The following ARL15 variants were observed in gnomAD, a reference collection of about 807,000 sequenced individuals.
The protein encoded by ARL15 is ARF like GTPase 15.
In ARL15, 19 loss-of-function variants were observed where a neutral mutation model predicts 25.2. The ratio of observed to expected loss-of-function variants is 0.75; its 90% CI spans 0.53 to 1.10. ARL15 has a LOEUF of 1.10. Ranked by LOEUF, ARL15 falls within the 50% of genes least tolerant of loss-of-function variation. The pLI is 0.00. For missense variants in ARL15, 220 were observed against 246.0 expected (o/e 0.89, Z 0.71); for synonymous variants, 94 against 86.8 (o/e 1.08, Z -0.46).
Position 53,922,081 on chromosome 5 carries a change from G to A in ARL15, c.463-35368C>T, listed in dbSNP as rs142323468. Among the ~76,000 whole-genome samples, 319 of 152,270 alleles carry A rather than the reference G, an allele frequency of 2.1e-3. 1 individual carries two copies. The highest frequency in any genetic ancestry group is 7.3e-3 in the African/African-American group (302 of 41,558). On this transcript the variant is annotated intron_variant, in intron 4 of 4. Transcript: ENST00000504924. ...TACTTCCTGTTTTACTTAACTTGTA[G>A]TGTAGCACCATGTGTTTTGTCAGTT...
chr5:53,935,137 T>A (rs1232702437), intron 4 of ARL15, among the ~76,000 whole-genome samples: 1 of 152,118 alleles, frequency 6.6e-6, no homozygotes, highest in Non-Finnish European at 1.5e-5. Context: ...GAGTAAATAA[T>A]GAAATCAATA....
At chr5:54,281,671 G>A (rs900978288) in intron 1 of ARL15, among the ~76,000 whole-genome samples, 2 of 152,134 alleles carry the variant, frequency 1.3e-5, no homozygotes, top group African/African-American at 4.8e-5. Flanking sequence ...CCCTTGTTGA[G>A]AACTACTGCC....
intron 1 of ARL15, among the ~76,000 whole-genome samples, chr5:54,193,475 C>G (rs995496062): frequency 2.0e-5 from 3 of 152,152 alleles, no homozygotes; most frequent in Non-Finnish European, 4.4e-5. Context: ...GCTCTGCTTC[C>G]TATCAGATCA....
chr5:54,145,256 T>C (rs1323633007), intron 3 of ARL15, among the ~76,000 whole-genome samples: 1 of 152,216 alleles, frequency 6.6e-6, no homozygotes, highest in Admixed American at 6.5e-5. Context: ...CTTCGCATTA[T>C]TGCTGCTCAC....
chr5:54,237,809 C>T (rs1279400724), intron 1 of ARL15, among the ~76,000 whole-genome samples: 1 of 152,078 alleles, frequency 6.6e-6, no homozygotes, highest in Admixed American at 6.5e-5. Flanking sequence ...TGATCACTGT[C>T]GTATCTACGG....
chr5:53,981,363 G>A (rs1217542689), intron 4 of ARL15, among the ~76,000 whole-genome samples: 1 of 152,098 alleles, frequency 6.6e-6, no homozygotes, highest in Non-Finnish European at 1.5e-5. Flanking sequence ...TGGATATAGG[G>A]TAAGCCAGAA....
intron 4 of ARL15, among the ~76,000 whole-genome samples, chr5:54,092,726 C>T (rs1752167876): frequency 6.6e-6 from 1 of 152,184 alleles, no homozygotes; most frequent in Non-Finnish European, 1.5e-5. Context: ...CTCTCCCTTA[C>T]TGGGCTGGGT....
rs139017787 is a variant in ARL15 at position 54,289,981 on chromosome 5, G to A, written c.48+20451C>T. 3.6e-3 allele frequency among the ~76,000 whole-genome samples: 549 copies of A among 152,252 alleles called. 3 individuals carry two copies. Among genetic ancestry groups the A allele is most frequent in the African/African-American group, 0.013 (532 of 41,546 alleles). On this transcript the variant is annotated intron_variant, in intron 1 of 4. Coordinates refer to ENST00000504924, the MANE Select transcript of ARL15 (RefSeq NM_019087.3). ...CAGTCTGCCATCAGCTTCTACAGAT[G>A]CCTTGCATTCAGGCCTTGTCTGTAC...
At chr5:53,982,500 G>A (rs2111604460) in intron 4 of ARL15, among the ~76,000 whole-genome samples, 1 of 152,150 alleles carries the variant, frequency 6.6e-6, no homozygotes, top group Non-Finnish European at 1.5e-5. Flanking sequence ...CCATGTCCCT[G>A]CAAAGGACAT....
intron 1 of ARL15, among the ~76,000 whole-genome samples, chr5:54,204,475 T>C (rs2112490739): frequency 6.6e-6 from 1 of 152,326 alleles, no homozygotes; most frequent in Non-Finnish European, 1.5e-5. Context: ...CTGCTTCGAA[T>C]TGCTCATCTG....
At chr5:54,138,982 A>C (rs1753690366) in intron 3 of ARL15, among the ~76,000 whole-genome samples, 1 of 152,204 alleles carries the variant, frequency 6.6e-6, no homozygotes, top group South Asian at 2.1e-4. Context: ...TTACCCCAGC[A>C]AGAATGGCCA....
At chr5:53,912,277 A>G (rs1745489501) in intron 4 of ARL15, among the ~76,000 whole-genome samples, 1 of 152,210 alleles carries the variant, frequency 6.6e-6, no homozygotes, top group African/African-American at 2.4e-5. Flanking sequence ...GGGGCAAGAC[A>G]CAATAGTGGT....
At position 54,002,430 on chromosome 5, in the gene ARL15, TG is replaced by T. The variant is rs1748876466; in HGVS notation, c.462+110771del. On this transcript the variant is annotated intron_variant, in intron 4 of 4. Coordinates refer to ENST00000504924, the MANE Select transcript of ARL15 (RefSeq NM_019087.3). ...GGAGGTGTCATAAGGGTAATAAGAGTGTCAATTGCAACTTTTTCATTAGCTT... is the reference window on the plus strand; with the variant it reads ...GGAGGTGTCATAAGGGTAATAAGAGTTCAATTGCAACTTTTTCATTAGCTT... Among the ~76,000 whole-genome samples, 21 of 152,124 alleles carry T rather than the reference TG, an allele frequency of 1.4e-4. No homozygotes were observed. In the South Asian group the frequency reaches 4.4e-3, roughly 32 times the overall value.
chr5:54,148,315 A>G (rs552154750), intron 3 of ARL15, among the ~76,000 whole-genome samples: 7 of 152,330 alleles, frequency 4.6e-5, no homozygotes, highest in African/African-American at 1.7e-4. Flanking sequence ...GAGGAGGCGT[A>G]TTCCTCCAGG....
intron 4 of ARL15, among the ~76,000 whole-genome samples, chr5:54,023,894 A>G (rs1302044559): frequency 2.6e-5 from 4 of 152,184 alleles, no homozygotes; most frequent in African/African-American, 9.7e-5. Context: ...TGCTGGCCCA[A>G]CAGACTTTGT....
At chr5:53,900,156 A>C (rs933936627) in intron 4 of ARL15, among the ~76,000 whole-genome samples, 6 of 152,188 alleles carry the variant, frequency 3.9e-5, no homozygotes, top group Non-Finnish European at 8.8e-5. Context: ...GTGTGTGCCC[A>C]CTGGATTCAG....
At chr5:54,161,426 A>G (rs946731603) in intron 2 of ARL15, among the ~76,000 whole-genome samples, 3 of 152,216 alleles carry the variant, frequency 2.0e-5, no homozygotes, top group South Asian at 4.1e-4. Context: ...CACCTGTAAT[A>G]CATGTGCATA....
At chr5:53,981,850 A>G (rs2111598736) in intron 4 of ARL15, among the ~76,000 whole-genome samples, 2 of 151,420 alleles carry the variant, frequency 1.3e-5, no homozygotes, top group South Asian at 2.1e-4. Flanking sequence ...TGGTGAGCTG[A>G]TATCAGGCCA....
At position 53,911,373 on chromosome 5, in the gene ARL15, TTTCCTTCTCTCCCTCA is replaced by T. The variant is rs371294742; in HGVS notation, c.463-24676_463-24661del. ...CCTTCCTTCTTTCCTTTGTCCTTTC[TTTCCTTCTCTCCCTCA>T]TTCCTTCTCTCCCTCATTCCTTCCC... On this transcript the variant is annotated intron_variant, in intron 4 of 4. Transcript: ENST00000504924. Among the ~76,000 whole-genome samples the T allele has an allele frequency of 1.6e-3, 247 of 152,204 alleles. 1 individual carries two copies. The highest frequency in any genetic ancestry group is 5.3e-3 in the African/African-American group (222 of 41,522).
Sources: allele counts gnomAD v4.1 joint callset (sites outside exome capture counted in the v4.1 genomes callset), GRCh38; gene constraint gnomAD v4.1.1; transcripts MANE v1.5; gene names NCBI Gene and HGNC (gene_info 2026-07-23, HGNC 2026-07-21).